The following AVEN variants were observed in gnomAD, a reference collection of about 807,000 sequenced individuals.
AVEN encodes the protein cell death regulator Aven.
In AVEN, 41 loss-of-function variants were observed where a neutral mutation model predicts 38.1. That is an observed-to-expected ratio of 1.08 (90% CI 0.84 to 1.40). The LOEUF is 1.40. Ranked by LOEUF, AVEN falls within the 40% of genes most tolerant of loss-of-function variation. The pLI, the probability that AVEN is intolerant of heterozygous loss-of-function variation, is 0.00. For synonymous variants in AVEN, 206 were observed against 171.8 expected, an observed-to-expected ratio of 1.20 and a Z score of -1.56; for missense variants, 605 against 438.8, an observed-to-expected ratio of 1.38 and a Z score of -3.38.
downstream of AVEN, chr15:33,855,870 C>A (rs1006745505): frequency 2.6e-5 from 4 of 152,184 alleles, no homozygotes; most frequent in African/African-American, 9.7e-5. Context: ...CTAATGGCTT[C>A]TCCTTGTATA....
At chr15:33,979,702 A>G (rs907872600) in intron 2 of AVEN, among the ~76,000 whole-genome samples, 1 of 152,234 alleles carries the variant, frequency 6.6e-6, no homozygotes, top group Non-Finnish European at 1.5e-5. Context: ...GAGAAAAAAG[A>G]CACCAATGGT....
chr15:34,007,956 C>T (rs1406808426), intron 1 of AVEN, among the ~76,000 whole-genome samples: 1 of 152,168 alleles, frequency 6.6e-6, no homozygotes, highest in Non-Finnish European at 1.5e-5. Context: ...ATGAGTTATA[C>T]TGGATTAGGG....
chr15:33,871,461 G>A (rs999535076), intron 3 of AVEN, among the ~76,000 whole-genome samples: 5 of 152,020 alleles, frequency 3.3e-5, no homozygotes, highest in East Asian at 1.9e-4. Flanking sequence ...CCAGCTACTC[G>A]GGAGGCTGAG....
At chr15:33,998,015 T>C (rs1296963270) in intron 2 of AVEN, among the ~76,000 whole-genome samples, 1 of 152,144 alleles carries the variant, frequency 6.6e-6, no homozygotes, top group Non-Finnish European at 1.5e-5. Context: ...TACCTTCTGC[T>C]CTCTCCTTCC....
chr15:33,852,735 G>A, the AVEN span: 5 of 249,966 alleles, frequency 2.0e-5, no homozygotes, highest in Non-Finnish European at 3.9e-5. Context: ...ATTAGGGAAA[G>A]GACTTAGAAA....
At chr15:34,014,396 A>AAACC (rs1897786079) in intron 1 of AVEN, among the ~76,000 whole-genome samples, 1 of 145,510 alleles carries the variant, frequency 6.9e-6, no homozygotes, top group Non-Finnish European at 1.5e-5. Context: ...AAAAACAAAA[A>AAACC]CCACGTTTGA....
chr15:33,997,513 AT>A (rs1896983502), intron 2 of AVEN, among the ~76,000 whole-genome samples: 1 of 152,116 alleles, frequency 6.6e-6, no homozygotes, highest in East Asian at 1.9e-4. Context: ...AGACTATATC[AT>A]TACCGTCATC....
downstream of AVEN, among the ~76,000 whole-genome samples, chr15:33,862,287 A>ACTGCAACCTCCACCTCCCAGGCT (rs1888559572): frequency 6.6e-6 from 1 of 152,098 alleles, no homozygotes; most frequent in Non-Finnish European, 1.5e-5. Context: ...ATCTTGGCTC[A>ACTGCAACCTCCACCTCCCAGGCT]CTGCAACCTC....
chr15:33,873,015 A>C (rs576733103), intron 3 of AVEN, among the ~76,000 whole-genome samples: 2 of 149,810 alleles, frequency 1.3e-5, no homozygotes, highest in African/African-American at 4.9e-5. Flanking sequence ...GATTCCCTTG[A>C]GGATTTTGGA....
chr15:33,866,444 G>A lies in AVEN; in HGVS notation c.*169C>T, dbSNP rs574720016. ...AACAAATGCAACAAGCTGCTTCAAT[G>A]TATTCTTTCAGATGTCAAACACAGA... On this transcript the variant is annotated 3_prime_UTR_variant, in exon 6 of 6. Transcript: ENST00000306730. 1.0e-5 allele frequency: 6 copies of A among 599,142 alleles called. No individual in the cohort carries two copies. Among genetic ancestry groups the A allele is most frequent in the South Asian group, 8.4e-5 (4 of 47,652 alleles). 37.1% of individuals were successfully genotyped at this position (599,142 alleles called of 1,614,324 possible).
intron 2 of AVEN, among the ~76,000 whole-genome samples, chr15:33,906,813 T>A (rs1157116714): frequency 1.3e-5 from 2 of 152,204 alleles, no homozygotes; most frequent in Admixed American, 6.5e-5. Flanking sequence ...TGGATGATGA[T>A]GATGATGGTT....
upstream of AVEN, among the ~76,000 whole-genome samples, chr15:34,042,060 C>A (rs1447309411): frequency 6.6e-6 from 1 of 152,168 alleles, no homozygotes; most frequent in African/African-American, 2.4e-5. Context: ...AAAGTTCTTT[C>A]AACAAGGATA....
At chr15:33,996,435 G>A (rs1383292449) in intron 2 of AVEN, among the ~76,000 whole-genome samples, 6 of 152,182 alleles carry the variant, frequency 3.9e-5, no homozygotes, top group Non-Finnish European at 7.3e-5. Flanking sequence ...AGTAGGGGCC[G>A]ACTGACACCT....
At chr15:33,870,228 C>T (rs1008355048) in intron 4 of AVEN, among the ~76,000 whole-genome samples, 10 of 152,180 alleles carry the variant, frequency 6.6e-5, no homozygotes, top group African/African-American at 2.4e-4. Flanking sequence ...GTACTACTCA[C>T]CTGCACCTGT....
At chr15:33,852,184 A>G in the AVEN span, 1 of 152,094 alleles carries the variant, frequency 6.6e-6, no homozygotes, top group East Asian at 1.9e-4. Context: ...AAGGAAAACA[A>G]AAGTAAGAAT....
chr15:33,983,223 T>TATACACAC (rs1175801204), intron 2 of AVEN, among the ~76,000 whole-genome samples: 3 of 110,626 alleles, frequency 2.7e-5, no homozygotes, highest in African/African-American at 1.2e-4. Flanking sequence ...TACATATATA[T>TATACACAC]ACACACACAT....
At chr15:33,874,786 G>A (rs919673631) in intron 3 of AVEN, among the ~76,000 whole-genome samples, 22 of 152,140 alleles carry the variant, frequency 1.4e-4, no homozygotes, top group South Asian at 2.1e-4. Context: ...GATGAATGAC[G>A]AAGCTTAGAA....
At chr15:33,969,151 G>T (rs1895520181) in intron 2 of AVEN, 1 of 152,004 alleles carries the variant, frequency 6.6e-6, no homozygotes, top group Non-Finnish European at 1.5e-5. Flanking sequence ...CCACTGCCAG[G>T]TAAGATTTAA....
chr15:33,851,823 A>C, the AVEN span: 2 of 152,074 alleles, frequency 1.3e-5, no homozygotes, highest in Non-Finnish European at 2.9e-5. Context: ...TATTTGTTTT[A>C]TTTTCAATTT....
Sources: gnomAD v4.1 joint callset for allele counts (sites outside exome capture counted in the v4.1 genomes callset) on GRCh38, gnomAD v4.1.1 for gene constraint, MANE v1.5 for transcripts, NCBI Gene and HGNC (gene_info 2026-07-23, HGNC 2026-07-21) for gene names.